TMCC1: variants seen among roughly 807,000 people sequenced by gnomAD.
TMCC1 encodes transmembrane and coiled-coil domain family 1, also known as transmembrane and coiled-coil domains protein 1.
In TMCC1, 15 loss-of-function variants were observed where a neutral mutation model predicts 52.4. That is an observed-to-expected ratio of 0.29 (90% confidence interval 0.19 to 0.44). The LOEUF (loss-of-function observed/expected upper bound fraction) is 0.44, where lower values mean the gene tolerates loss of function less well. Among genes scored for constraint, TMCC1 ranks in the 20% least tolerant of loss-of-function variants. The probability of loss-of-function intolerance (pLI) is 1.00; values close to 1 mark genes in which losing one functional copy is unlikely to be tolerated. For synonymous variants in TMCC1, 279 were observed against 301.9 expected, an observed-to-expected ratio of 0.92 and a Z score of 0.79; for missense variants, 503 against 806.0, an observed-to-expected ratio of 0.62 and a Z score of 4.55.
intron 4 of TMCC1, among the ~76,000 whole-genome samples, chr3:129,715,254 T>C (rs999968093): frequency 2.0e-5 from 3 of 152,268 alleles, no homozygotes; most frequent in Admixed American, 2.0e-4. Context: ...CCTGTCCCCA[T>C]CCTACCTTAA....
chr3:129,681,692 G>C (rs2108921355), intron 4 of TMCC1, among the ~76,000 whole-genome samples: 1 of 152,166 alleles, frequency 6.6e-6, no homozygotes, highest in African/African-American at 2.4e-5. Flanking sequence ...CGGATCACCT[G>C]AGGTCAGGAG....
rs146566949 is a variant in TMCC1, at chr3:129,741,018, G to C, written c.577-69754C>G. 8.5e-5 allele frequency among the ~76,000 whole-genome samples: 13 copies of C among 152,170 alleles called. No individual in the cohort carries two copies. The East Asian group carries it at 2.5e-3, about 29-fold the overall frequency. ...TTGCCCCTTTGGAATTATACCTTAA[G>C]CTTTCATATGTCTAATATGTCTAAT... On this transcript the variant is annotated intron_variant, in intron 4 of 6. Coordinates refer to ENST00000393238, the MANE Select transcript of TMCC1 (RefSeq NM_001017395.5).
intron 4 of TMCC1, among the ~76,000 whole-genome samples, chr3:129,751,571 T>C (rs2052529972): frequency 6.7e-6 from 1 of 149,676 alleles, no homozygotes; most frequent in South Asian, 2.1e-4. Context: ...AGTATCTTTT[T>C]TTCCCCTCCG....
At chr3:129,794,234 A>G (rs2056662348) in intron 4 of TMCC1, 2 of 446,056 alleles carry the variant, frequency 4.5e-6, no homozygotes, top group South Asian at 1.6e-5. Flanking sequence ...GGAGGACGGC[A>G]GGCTTGACAG....
intron 4 of TMCC1, among the ~76,000 whole-genome samples, chr3:129,762,683 G>GA (rs1382960914): frequency 6.6e-6 from 1 of 152,144 alleles, no homozygotes; most frequent in Admixed American, 6.5e-5. Flanking sequence ...TTGGGAGTCT[G>GA]AGGTGGGAAG....
chr3:129,880,816 A>G (rs2061422785), intron 1 of TMCC1, among the ~76,000 whole-genome samples: 1 of 151,840 alleles, frequency 6.6e-6, no homozygotes, highest in Non-Finnish European at 1.5e-5. Context: ...AAAATCTGAA[A>G]TACTTCTGGT....
At chr3:129,677,570 G>A (rs2088565368) in intron 4 of TMCC1, among the ~76,000 whole-genome samples, 1 of 151,908 alleles carries the variant, frequency 6.6e-6, no homozygotes, top group African/African-American at 2.4e-5. Flanking sequence ...CATTAAAACA[G>A]AATATTTCTC....
At chr3:129,744,589 C>T (rs988260515) in intron 4 of TMCC1, among the ~76,000 whole-genome samples, 3 of 152,152 alleles carry the variant, frequency 2.0e-5, no homozygotes, top group Admixed American at 6.5e-5. Flanking sequence ...CCCAGCATAA[C>T]GTCACCACTT....
At chr3:129,841,213 T>C (rs2059408970) in intron 2 of TMCC1, among the ~76,000 whole-genome samples, 1 of 152,172 alleles carries the variant, frequency 6.6e-6, no homozygotes, top group Admixed American at 6.5e-5. Flanking sequence ...ACTTTGAACT[T>C]GAAAGACATG....
intron 4 of TMCC1, among the ~76,000 whole-genome samples, chr3:129,788,996 T>C (rs1170504781): frequency 3.3e-5 from 5 of 152,188 alleles, no homozygotes; most frequent in Admixed American, 6.5e-5. Context: ...GTTAGTAAAA[T>C]AGAAATGCAA....
intron 4 of TMCC1, among the ~76,000 whole-genome samples, chr3:129,695,278 T>A (rs1252602959): frequency 2.6e-5 from 4 of 152,130 alleles, no homozygotes; most frequent in African/African-American, 4.8e-5. Context: ...TTTGAAGTTA[T>A]CTGATTGAAT....
chr3:129,692,345 G>C (rs56911520), intron 4 of TMCC1, among the ~76,000 whole-genome samples: 1 of 152,100 alleles, frequency 6.6e-6, no homozygotes, highest in Non-Finnish European at 1.5e-5. Flanking sequence ...GGATCTTATG[G>C]TAATTTAAAA....
intron 1 of TMCC1, among the ~76,000 whole-genome samples, chr3:129,891,217 C>T (rs1019923608): frequency 2.0e-5 from 3 of 152,166 alleles, no homozygotes; most frequent in Non-Finnish European, 4.4e-5. Context: ...CTTGTCACAT[C>T]AGCTTGTTTT....
intron 2 of TMCC1, among the ~76,000 whole-genome samples, chr3:129,876,161 A>T (rs2107979512): frequency 6.6e-6 from 1 of 151,774 alleles, no homozygotes; most frequent in South Asian, 2.1e-4. Context: ...AGTTTAAAAT[A>T]TCATTGGTCC....
intron 4 of TMCC1, among the ~76,000 whole-genome samples, chr3:129,714,036 T>TA (rs1351902528): frequency 2.0e-5 from 3 of 152,182 alleles, no homozygotes. Flanking sequence ...AAAAAAAACT[T>TA]ACTGTAAACC....
intron 6 of TMCC1, among the ~76,000 whole-genome samples, 183 bp downstream of exon 6, chr3:129,654,785 C>T (rs559343441): frequency 6.6e-6 from 1 of 152,272 alleles, no homozygotes; most frequent in East Asian, 1.9e-4. Context: ...GACATACCAA[C>T]CCAAAATGGT....
chr3:129,719,327 C>T (rs2049375103), intron 4 of TMCC1, among the ~76,000 whole-genome samples: 1 of 152,180 alleles, frequency 6.6e-6, no homozygotes, highest in Non-Finnish European at 1.5e-5. Flanking sequence ...AGGGTGGGGG[C>T]TTAATGGAAG....
At chr3:129,793,168 C>A (rs2107753836) in intron 4 of TMCC1, among the ~76,000 whole-genome samples, 2 of 147,944 alleles carry the variant, frequency 1.4e-5, no homozygotes, top group East Asian at 3.9e-4. Context: ...GGCCTTCAAA[C>A]ACACACACAC....
chr3:129,787,446 T>C (rs953072785), intron 4 of TMCC1, among the ~76,000 whole-genome samples: 1 of 152,162 alleles, frequency 6.6e-6, no homozygotes, highest in African/African-American at 2.4e-5. Flanking sequence ...AAGTTGCATG[T>C]CCATTGTTTT....
Sources: allele counts gnomAD v4.1 joint callset (sites outside exome capture counted in the v4.1 genomes callset), GRCh38; gene constraint gnomAD v4.1.1; transcripts MANE v1.5; gene names NCBI Gene and HGNC (gene_info 2026-07-23, HGNC 2026-07-21).